The following ZNF138 variants were observed in gnomAD, a reference collection of about 807,000 sequenced individuals.
ZNF138 encodes the protein zinc finger protein 138.
In ZNF138, 33 loss-of-function variants were observed where a neutral mutation model predicts 33.0. The observed-to-expected ratio is 1.00, with a 90% CI of 0.76 to 1.34. ZNF138 has a LOEUF of 1.34. Among genes scored for constraint, ZNF138 ranks in the 40% most tolerant of loss-of-function variants. ZNF138 has a pLI of 0.00. For synonymous variants in ZNF138, 139 were observed against 120.4 expected, an observed-to-expected ratio of 1.15 and a Z score of -1.01; for missense variants, 360 against 370.8, an observed-to-expected ratio of 0.97 and a Z score of 0.24.
At chr7:64,828,097 A>G (rs1442510598) in intron 3 of ZNF138, among the ~76,000 whole-genome samples, 1 of 152,092 alleles carries the variant, frequency 6.6e-6, no homozygotes, top group Non-Finnish European at 1.5e-5. Context: ...CCTAATGTCA[A>G]CATTTATTTG....
At chr7:64,817,697 G>A (rs1788773062) in intron 3 of ZNF138, among the ~76,000 whole-genome samples, 3 of 151,886 alleles carry the variant, frequency 2.0e-5, no homozygotes, top group East Asian at 3.9e-4. Context: ...TGCTGTTGGG[G>A]CATAAAAAAA....
the ZNF138 span, chr7:64,853,481 CA>C: frequency 1.9e-6 from 1 of 515,728 alleles, no homozygotes; most frequent in South Asian, 4.3e-5. Context: ...TATATGAGAT[CA>C]TGTAGTATTT....
intron 1 of ZNF138, chr7:64,814,125 A>G (rs2418462): frequency 1 from 1,207,249 of 1,210,674 alleles, 602,002 homozygotes; most frequent in East Asian, 1. Flanking sequence ...ATTCTTCTTG[A>G]GCCAAAAACA....
chr7:64,823,044 C>CT (rs1789294420), intron 3 of ZNF138, among the ~76,000 whole-genome samples: 1 of 151,882 alleles, frequency 6.6e-6, no homozygotes, highest in African/African-American at 2.4e-5. Context: ...CCACGCCCGT[C>CT]TAATTTTGTA....
chr7:64,797,950 TA>T (rs1381496100), intron 1 of ZNF138, among the ~76,000 whole-genome samples: 2 of 152,084 alleles, frequency 1.3e-5, no homozygotes, highest in East Asian at 1.9e-4. Flanking sequence ...TTAATTAAAT[TA>T]TTTTTTTGAG....
the ZNF138 span, among the ~76,000 whole-genome samples, chr7:64,849,810 C>G: frequency 1.3e-5 from 2 of 152,088 alleles, no homozygotes; most frequent in African/African-American, 4.8e-5. Context: ...TCCCCACCCC[C>G]AAGAGCACCG....
At chr7:64,842,929 T>C in the ZNF138 span, among the ~76,000 whole-genome samples, 1 of 152,200 alleles carries the variant, frequency 6.6e-6, no homozygotes, top group Non-Finnish European at 1.5e-5. Context: ...CTTGAACTTA[T>C]TCTATTAACT....
chr7:64,830,830 G>C (rs1790022488), intron 3 of ZNF138: 33 of 1,247,612 alleles, frequency 2.6e-5, no homozygotes, highest in Non-Finnish European at 3.5e-5. Context: ...TTTCAGACAT[G>C]TTCTTAGGAT....
At chr7:64,820,873 A>G (rs999668806) in intron 3 of ZNF138, among the ~76,000 whole-genome samples, 1 of 151,552 alleles carries the variant, frequency 6.6e-6, no homozygotes, top group Non-Finnish European at 1.5e-5. Context: ...CCATAATTTT[A>G]TTTATAATTA....
At chr7:64,852,804 T>C in the ZNF138 span, 1 of 846,866 alleles carries the variant, frequency 1.2e-6, no homozygotes, top group South Asian at 1.3e-5. Flanking sequence ...TCTGGCATGA[T>C]AAATTCACTG....
At chr7:64,827,143 T>G (rs181002469) in intron 3 of ZNF138, among the ~76,000 whole-genome samples, 57 of 152,124 alleles carry the variant, frequency 3.7e-4, no homozygotes, top group African/African-American at 1.3e-3. Flanking sequence ...TGTCTTACTA[T>G]GTTGCTCAGG....
the ZNF138 span, among the ~76,000 whole-genome samples, chr7:64,844,406 C>A: frequency 6.8e-5 from 1 of 14,722 alleles, no homozygotes; most frequent in African/African-American, 7.6e-5. Context: ...CAATTTGATT[C>A]ATTCTTCTTT....
At chr7:64,803,838 G>T (rs1787359427) in intron 1 of ZNF138, among the ~76,000 whole-genome samples, 1 of 152,088 alleles carries the variant, frequency 6.6e-6, no homozygotes, top group African/African-American at 2.4e-5. Context: ...TATTACAGTA[G>T]ATATTAGTAT....
chr7:64,849,633 G>A, the ZNF138 span, among the ~76,000 whole-genome samples: 1 of 152,046 alleles, frequency 6.6e-6, no homozygotes, highest in African/African-American at 2.4e-5. Flanking sequence ...AGTGGGAAGT[G>A]GGGGTGTGGT....
At chr7:64,801,415 A>T (rs1248463066) in intron 1 of ZNF138, among the ~76,000 whole-genome samples, 1 of 152,190 alleles carries the variant, frequency 6.6e-6, no homozygotes, top group Non-Finnish European at 1.5e-5. Flanking sequence ...ATATTATTAT[A>T]TACCCAAAAG....
chr7:64,806,760 T>C (rs1193850541), intron 1 of ZNF138, among the ~76,000 whole-genome samples: 1 of 152,238 alleles, frequency 6.6e-6, no homozygotes, highest in Non-Finnish European at 1.5e-5. Flanking sequence ...CTGGACACTA[T>C]AACCCATGCC....
chr7:64,805,457 G>C (rs1309518801), intron 1 of ZNF138, among the ~76,000 whole-genome samples: 1 of 151,554 alleles, frequency 6.6e-6, no homozygotes, highest in Non-Finnish European at 1.5e-5. Flanking sequence ...TTCCATTACT[G>C]TGAAGGTGCA....
intron 1 of ZNF138, among the ~76,000 whole-genome samples, chr7:64,805,709 A>G (rs1787541724): frequency 6.6e-6 from 1 of 152,220 alleles, no homozygotes; most frequent in South Asian, 2.1e-4. Flanking sequence ...CATAAAGTAA[A>G]TAGCCATAAA....
intron 3 of ZNF138, among the ~76,000 whole-genome samples, chr7:64,822,164 C>T (rs188144491): frequency 6.6e-6 from 1 of 151,332 alleles, no homozygotes; most frequent in East Asian, 1.9e-4. Flanking sequence ...CAAGATCCAC[C>T]CACCTTGGCC....
Sources: allele counts gnomAD v4.1 joint callset (sites outside exome capture counted in the v4.1 genomes callset), GRCh38; gene constraint gnomAD v4.1.1; transcripts MANE v1.5; gene names NCBI Gene and HGNC (gene_info 2026-07-23, HGNC 2026-07-21).